Variants in COLEC12 observed in about 807,000 individuals in gnomAD.
COLEC12 encodes collectin subfamily member 12.
In COLEC12, 33 loss-of-function variants were observed where a neutral mutation model predicts 71.1. The observed-to-expected ratio is 0.46, with a 90% CI of 0.35 to 0.62. The LOEUF is 0.62. COLEC12 is among the 20% of genes least tolerant of loss of function. The pLI is 0.00. For missense variants in COLEC12, 765 were observed against 916.1 expected (o/e 0.84, Z 2.13); for synonymous variants, 350 against 353.0 (o/e 0.99, Z 0.10).
At chr18:395,622 A>G (rs1033216555) in intron 2 of COLEC12, among the ~76,000 whole-genome samples, 6 of 152,234 alleles carry the variant, frequency 3.9e-5, no homozygotes, top group African/African-American at 1.4e-4. Flanking sequence ...TAGAGTTTAT[A>G]TAAGTTCCGA....
At chr18:359,744 T>C (rs183304701) in intron 2 of COLEC12, among the ~76,000 whole-genome samples, 51 of 152,336 alleles carry the variant, frequency 3.3e-4, no homozygotes, top group African/African-American at 1.2e-3. Context: ...TGTTTCCCTA[T>C]GTGTGTCTTA....
At chr18:410,942 C>T (rs1915881735) in intron 2 of COLEC12, among the ~76,000 whole-genome samples, 1 of 152,184 alleles carries the variant, frequency 6.6e-6, no homozygotes. Context: ...GGAACCCAGA[C>T]TCTCCTCACC....
At chr18:428,399 T>G (rs1468120581) in intron 2 of COLEC12, among the ~76,000 whole-genome samples, 2 of 152,220 alleles carry the variant, frequency 1.3e-5, no homozygotes, top group African/African-American at 4.8e-5. Flanking sequence ...TCATTTACAT[T>G]TGGTGTGAGA....
chr18:365,969 C>G (rs1359052158), intron 2 of COLEC12, among the ~76,000 whole-genome samples: 1 of 152,164 alleles, frequency 6.6e-6, no homozygotes, highest in Non-Finnish European at 1.5e-5. Flanking sequence ...CTTTAGGGCT[C>G]GGGTTTTCTA....
chr18:442,737 G>A (rs887784445), intron 2 of COLEC12, among the ~76,000 whole-genome samples: 6 of 152,220 alleles, frequency 3.9e-5, no homozygotes, highest in South Asian at 2.1e-4. Flanking sequence ...CAAGGCAGGC[G>A]GATCACGAGG....
intron 5 of COLEC12, among the ~76,000 whole-genome samples, chr18:336,855 GAGTCTCACTCTTTTTTTTTAGAGAC>G (rs1182475494): frequency 6.6e-6 from 1 of 151,938 alleles, no homozygotes; most frequent in African/African-American, 2.4e-5. Flanking sequence ...TTTAGAGACA[GAGTCTCACTCTTTTTTTTTAGAGAC>G]AGTCTCACTC....
chr18:335,069 C>CA lies in COLEC12; in HGVS notation c.1488dup (p.Gly497TrpfsTer6). The CA allele has an allele frequency of 6.2e-7, 1 of 1,609,696 alleles. No individual in the cohort carries two copies. The highest frequency in any genetic ancestry group is 8.5e-7 in the Non-Finnish European group (1 of 1,178,594). The stretch of plus-strand genomic sequence containing the variant: ...TGGGAGCCTTTAGATCCTTTGCCGC[C>CA]ACGCTCTCCGGGGGGACCAGCTGGT... On this transcript the variant is annotated frameshift_variant, in exon 6 of 10. Coordinates refer to ENST00000400256, the MANE Select transcript of COLEC12 (RefSeq NM_130386.3). LOFTEE classifies it high-confidence loss of function.
At chr18:438,934 G>A (rs1252354464) in intron 2 of COLEC12, among the ~76,000 whole-genome samples, 1 of 152,136 alleles carries the variant, frequency 6.6e-6, no homozygotes, top group Non-Finnish European at 1.5e-5. Context: ...GGAGTTAAAG[G>A]GGCAACTAAA....
intron 2 of COLEC12, among the ~76,000 whole-genome samples, chr18:472,903 A>G (rs981148547): frequency 1.3e-5 from 2 of 151,810 alleles, no homozygotes; most frequent in Non-Finnish European, 2.9e-5. Flanking sequence ...AGCACCTGGG[A>G]GAGAGGAAAG....
At chr18:324,634 G>T (rs987826103) in intron 8 of COLEC12, among the ~76,000 whole-genome samples, 28 of 152,256 alleles carry the variant, frequency 1.8e-4, no homozygotes, top group African/African-American at 6.3e-4. Context: ...TTCAAGACCA[G>T]TCTGGCCAAC....
intron 5 of COLEC12, among the ~76,000 whole-genome samples, chr18:337,062 G>C (rs1225031765): frequency 6.6e-6 from 1 of 151,494 alleles, no homozygotes; most frequent in African/African-American, 2.4e-5. Flanking sequence ...TAGAGATAGG[G>C]CTCTCACTGT....
At chr18:419,989 G>A (rs1192540224) in intron 2 of COLEC12, among the ~76,000 whole-genome samples, 2 of 152,162 alleles carry the variant, frequency 1.3e-5, no homozygotes, top group Non-Finnish European at 2.9e-5. Flanking sequence ...TGCCATGCTG[G>A]AGGGAGCCCA....
rs747309258 is a variant in COLEC12, at chr18:334,884, C to A, written c.1674G>T (p.Val558=). ...AGCCTGGCAGTCCCCGAGGTCCAGG[C>A]ACCCCAGGCTCCCCAACGGTGCCCT... ...GLQGTVGEPG[V]PGPRGLPGLP... The change falls in exon 6 of 10, where the codon GTG becomes GTT. Residue 558 remains valine (V), a synonymous_variant. Transcript: ENST00000400256. 5.3e-6 allele frequency: 8 copies of A among 1,521,776 alleles called. No homozygotes were observed. Among genetic ancestry groups the A allele is most frequent in the Non-Finnish European group, 7.0e-6 (8 of 1,144,872 alleles). 94.3% of individuals were successfully genotyped at this position (1,521,776 alleles called of 1,614,324 possible). A position where few individuals can be genotyped will look rare whatever the true frequency, so the allele number is the denominator to read the frequency against.
At chr18:428,741 T>G (rs1177284834) in intron 2 of COLEC12, among the ~76,000 whole-genome samples, 1 of 152,200 alleles carries the variant, frequency 6.6e-6, no homozygotes, top group East Asian at 1.9e-4. Context: ...TAATAATAAT[T>G]AAGACACCAA....
intron 2 of COLEC12, among the ~76,000 whole-genome samples, chr18:382,719 T>A (rs974737750): frequency 6.6e-6 from 1 of 152,196 alleles, no homozygotes; most frequent in African/African-American, 2.4e-5. Context: ...GAATACAGTA[T>A]AGGTGGCACA....
At chr18:372,656 G>A (rs908456074) in intron 2 of COLEC12, among the ~76,000 whole-genome samples, 12 of 152,086 alleles carry the variant, frequency 7.9e-5, no homozygotes, top group African/African-American at 2.4e-4. Flanking sequence ...GAGCTCAAGC[G>A]ATCCACCTGC....
intron 2 of COLEC12, among the ~76,000 whole-genome samples, chr18:428,929 A>T (rs1916248407): frequency 6.6e-6 from 1 of 152,200 alleles, no homozygotes; most frequent in Non-Finnish European, 1.5e-5. Context: ...TATAAAAGGT[A>T]TTTTTTAACC....
chr18:496,515 T>C (rs1419805180), intron 1 of COLEC12, among the ~76,000 whole-genome samples: 4 of 152,224 alleles, frequency 2.6e-5, no homozygotes, highest in East Asian at 1.9e-4. Flanking sequence ...TATGACTCTT[T>C]CAATGTTAAA....
chr18:422,657 T>C (rs976134411), intron 2 of COLEC12, among the ~76,000 whole-genome samples: 3 of 151,734 alleles, frequency 2.0e-5, no homozygotes, highest in African/African-American at 7.2e-5. Context: ...ATATATTTTA[T>C]AGATTATTAT....
Sources: allele counts gnomAD v4.1 joint callset (sites outside exome capture counted in the v4.1 genomes callset), GRCh38; gene constraint gnomAD v4.1.1; transcripts MANE v1.5; gene names NCBI Gene and HGNC (gene_info 2026-07-23, HGNC 2026-07-21).